The following RCOR3 variants were observed in gnomAD, a reference collection of about 807,000 sequenced individuals.
RCOR3 encodes the protein REST corepressor 3.
A neutral mutation model predicts 64.1 loss-of-function variants in RCOR3; 13 were observed. That is an observed-to-expected ratio of 0.20 (90% confidence interval 0.13 to 0.32). The LOEUF (loss-of-function observed/expected upper bound fraction) is 0.32. Ranked by LOEUF, RCOR3 falls within the 10% of genes least tolerant of loss-of-function variation. RCOR3 has a pLI of 1.00. For synonymous variants in RCOR3, 215 were observed against 239.0 expected, an observed-to-expected ratio of 0.90 and a Z score of 0.93; for missense variants, 489 against 701.2, an observed-to-expected ratio of 0.70 and a Z score of 3.42.
intron 3 of RCOR3, among the ~76,000 whole-genome samples, chr1:211,273,451 A>C (rs1696518058): frequency 6.6e-6 from 1 of 152,224 alleles, no homozygotes; most frequent in Non-Finnish European, 1.5e-5. Flanking sequence ...CAAAAAAGTT[A>C]ATTTATACAT....
At chr1:211,276,990 G>A (rs1191354110) in intron 5 of RCOR3, among the ~76,000 whole-genome samples, 1 of 151,262 alleles carries the variant, frequency 6.6e-6, no homozygotes, top group Admixed American at 6.6e-5. Context: ...GGAGGCTGAG[G>A]CAGAAGAATA....
rs1285870685 is a variant in RCOR3, at chr1:211,312,580, T to C, written c.1076-140T>C. On this transcript the variant is annotated intron_variant, in intron 10 of 11. Transcript: ENST00000419091. This position sits in a 1 kb window ranked among gnomAD's most constrained non-coding sequence, Gnocchi z 5.0. ...CATCTGTGACCCTGATATCTTAGCC[T>C]CTATCTCAGAATTGAGAAATGAGCA... 1.4e-6 allele frequency: 1 copy of C among 711,872 alleles called. No homozygotes were observed. The highest frequency in any genetic ancestry group is 2.2e-5 in the Admixed American group (1 of 45,872). 44.1% of individuals were successfully genotyped at this position (711,872 alleles called of 1,614,324 possible).
At chr1:211,274,291 GC>G in intron 4 of RCOR3, 29 bp downstream of exon 4, 1 of 1,469,954 alleles carries the variant, frequency 6.8e-7, no homozygotes, top group Admixed American at 1.7e-5. Flanking sequence ...CAGTAGTAAG[GC>G]TTGTCCCAAT....
At position 211,312,651 on chromosome 1, in the gene RCOR3, C is replaced by A; in HGVS notation, c.1076-69C>A. 1.9e-6 allele frequency: 2 copies of A among 1,035,622 alleles called. No homozygotes were observed. Among genetic ancestry groups the A allele is most frequent in the Non-Finnish European group, 3.0e-6 (2 of 672,688 alleles). The allele number at this position is 1,035,622 out of a possible 1,614,324, so 64.2% of individuals were successfully genotyped here. ...TCATTGCTGGTATCTTTTGTGTGTG[C>A]ATGATGTATAGTACACACAGCTCTC... On this transcript the variant is annotated intron_variant, in intron 10 of 11. Coordinates refer to ENST00000419091, the MANE Select transcript of RCOR3 (RefSeq NM_001136223.3). This position sits in a 1 kb window ranked among gnomAD's most constrained non-coding sequence, Gnocchi z 5.0.
At chr1:211,265,717 C>CAAAT (rs750890051) in intron 2 of RCOR3, among the ~76,000 whole-genome samples, 1 of 151,890 alleles carries the variant, frequency 6.6e-6, no homozygotes, top group Admixed American at 6.6e-5. Context: ...GACTCTGTCT[C>CAAAT]AAATAAATAA....
chr1:211,301,533 A>G (rs1571981459), intron 9 of RCOR3: 1 of 152,196 alleles, frequency 6.6e-6, no homozygotes, highest in African/African-American at 2.4e-5. Context: ...ATTTTAATTT[A>G]GTTAAATATC....
At chr1:211,289,645 C>G (rs1046834082) in intron 8 of RCOR3, among the ~76,000 whole-genome samples, 3 of 152,170 alleles carry the variant, frequency 2.0e-5, no homozygotes, top group Non-Finnish European at 4.4e-5. Context: ...CTTCAATGTT[C>G]TATCTATAAA....
At chr1:211,288,501 T>A (rs1698832363) in intron 7 of RCOR3, among the ~76,000 whole-genome samples, 1 of 24,488 alleles carries the variant, frequency 4.1e-5, no homozygotes. Context: ...ATTTATAAAT[T>A]ATTTTATAAA....
At chr1:211,260,578 C>T (rs1694077163) in intron 2 of RCOR3, among the ~76,000 whole-genome samples, 1 of 152,242 alleles carries the variant, frequency 6.6e-6, no homozygotes. Context: ...CGCGCTCTGT[C>T]GGGCGGGTGG....
chr1:211,283,475 C>G (rs938276858), intron 7 of RCOR3, among the ~76,000 whole-genome samples: 15 of 152,096 alleles, frequency 9.9e-5, no homozygotes, highest in African/African-American at 3.6e-4. Flanking sequence ...GTGAGAATAC[C>G]CATTGTATAC....
chr1:211,288,442 TTTA>T (rs1294184008), intron 7 of RCOR3, among the ~76,000 whole-genome samples: 4 of 147,112 alleles, frequency 2.7e-5, no homozygotes, highest in Admixed American at 2.0e-4. Flanking sequence ...TATTTATATT[TTTA>T]TTATATTTAT....
At chr1:211,259,774 C>T in intron 1 of RCOR3, 48 bp downstream of exon 1, 14 of 1,356,740 alleles carry the variant, frequency 1.0e-5, no homozygotes, top group South Asian at 1.5e-5. Context: ...CCCCCTCCCT[C>T]TTCCCCTCCC....
At chr1:211,295,642 G>A (rs367696441) in intron 8 of RCOR3, 34 bp from the exon 9 acceptor site, 111 of 1,579,036 alleles carry the variant, frequency 7.0e-5, no homozygotes, top group Non-Finnish European at 9.0e-5. Context: ...CTAAGTACGC[G>A]ATCTGATTCA....
Position 211,276,454 on chromosome 1 carries a change from G to T in RCOR3, c.516+36G>T. On this transcript the variant is annotated intron_variant, in intron 5 of 11. Coordinates refer to ENST00000419091, the MANE Select transcript of RCOR3 (RefSeq NM_001136223.3). ...TTTAATCTTACTGTGGTTCATATGT[G>T]AATGATATCTTAAGCTACTATTAAA... The T allele has an allele frequency of 1.9e-6, 3 of 1,550,954 alleles. No individual in the cohort carries two copies. The South Asian group carries it at 3.6e-5, about 18-fold the overall frequency.
chr1:211,264,656 C>T (rs891262882), intron 2 of RCOR3, among the ~76,000 whole-genome samples: 3 of 151,862 alleles, frequency 2.0e-5, no homozygotes, highest in Non-Finnish European at 4.4e-5. Context: ...TGTACTATAC[C>T]CTGGGTGACA....
At chr1:211,280,212 C>T (rs763349367) in intron 7 of RCOR3, among the ~76,000 whole-genome samples, 1 of 152,168 alleles carries the variant, frequency 6.6e-6, no homozygotes, top group Non-Finnish European at 1.5e-5. Context: ...CCCTCCACCC[C>T]TAAAAACACT....
At chr1:211,299,936 G>A (rs1258918761) in intron 9 of RCOR3, among the ~76,000 whole-genome samples, 1 of 151,916 alleles carries the variant, frequency 6.6e-6, no homozygotes, top group African/African-American at 2.4e-5. Flanking sequence ...AATAACTTAT[G>A]TGAGTCCTGT....
intron 10 of RCOR3, among the ~76,000 whole-genome samples, chr1:211,307,666 A>G (rs1034327245): frequency 1.3e-5 from 2 of 152,006 alleles, no homozygotes; most frequent in African/African-American, 2.4e-5. Flanking sequence ...GAAGCATGGT[A>G]TACAGTATTT....
intron 2 of RCOR3, among the ~76,000 whole-genome samples, 154 bp from the exon 3 acceptor site, chr1:211,271,078 C>T (rs890613915): frequency 3.9e-5 from 6 of 152,098 alleles, no homozygotes; most frequent in Admixed American, 1.3e-4. Flanking sequence ...AGGATGGTCT[C>T]GATCTCCTGA....
Sources: allele counts gnomAD v4.1 joint callset (sites outside exome capture counted in the v4.1 genomes callset), GRCh38; gene constraint gnomAD v4.1.1; non-coding constraint Gnocchi (gnomAD v3.1); transcripts MANE v1.5; gene names NCBI Gene and HGNC (gene_info 2026-07-23, HGNC 2026-07-21).